Variants in NTF3 observed in about 807,000 individuals in gnomAD.
NTF3 encodes the protein neurotrophin-3.
NTF3 carries 8 observed loss-of-function variants against 26.3 expected under a neutral mutation model. That is an observed-to-expected ratio of 0.30 (90% CI 0.18 to 0.55). NTF3 has a LOEUF of 0.55. NTF3 is among the 20% of genes least tolerant of loss of function. The pLI is 0.93. For synonymous variants in NTF3, 154 were observed against 145.5 expected, an observed-to-expected ratio of 1.06 and a Z score of -0.42; for missense variants, 276 against 352.9, an observed-to-expected ratio of 0.78 and a Z score of 1.75.
intron 1 of NTF3, among the ~76,000 whole-genome samples, chr12:5,475,985 A>G (rs6489625): frequency 0.75 from 114,329 of 151,868 alleles, 43,419 homozygotes; most frequent in African/African-American, 0.79. Flanking sequence ...GAGAAAATAC[A>G]CCTGGGATGG....
At chr12:5,447,439 G>A (rs1254444255) in intron 1 of NTF3, among the ~76,000 whole-genome samples, 2 of 152,144 alleles carry the variant, frequency 1.3e-5, no homozygotes, top group Non-Finnish European at 2.9e-5. Flanking sequence ...TGTTCTTCAG[G>A]CTATTTCTGC....
chr12:5,466,956 G>A (rs185769461), intron 1 of NTF3, among the ~76,000 whole-genome samples: 86 of 152,186 alleles, frequency 5.7e-4, no homozygotes, highest in Middle Eastern at 6.8e-3. Context: ...TGCTTGGCCG[G>A]GTGCAGTGGC....
intron 1 of NTF3, among the ~76,000 whole-genome samples, chr12:5,451,759 T>A (rs1420677058): frequency 6.6e-6 from 1 of 152,230 alleles, no homozygotes; most frequent in Non-Finnish European, 1.5e-5. Flanking sequence ...GGCGTGGCAC[T>A]CATGGTTCAC....
At position 5,494,163 on chromosome 12, in the gene NTF3, C is replaced by A. The variant is rs1395845998; in HGVS notation, c.19-31C>A. ...AATAACACAGACTCAGCTGCCAGAG[C>A]CTGCTCTTAACACCTGTGTTTCCTT... On this transcript the variant is annotated intron_variant, in intron 1 of 1. Transcript: ENST00000423158. This position sits in a 1 kb window ranked among gnomAD's most constrained non-coding sequence, Gnocchi z 8.3. 6 of 1,597,194 alleles carry A rather than the reference C, an allele frequency of 3.8e-6. No homozygotes were observed. The highest frequency in any genetic ancestry group is 8.5e-7 in the Non-Finnish European group (1 of 1,172,738).
At chr12:5,451,040 C>T (rs1324639240) in intron 1 of NTF3, among the ~76,000 whole-genome samples, 2 of 152,204 alleles carry the variant, frequency 1.3e-5, no homozygotes, top group African/African-American at 4.8e-5. Flanking sequence ...CACTATCCCA[C>T]ACTACCTTCT....
chr12:5,494,832 G>A lies in NTF3; in HGVS notation c.657G>A (p.Arg219=). ...CCAGGCCGGTCAAAAACGGTTGCAG[G>A]GGTATTGATGATAAACACTGGAACT... is the stretch of plus-strand genomic sequence containing the variant. The part of the protein sequence containing the change: ...KEARPVKNGC[R]GIDDKHWNSQ... The change falls in exon 2 of 2, where the codon AGG becomes AGA. Residue 219 remains arginine, a synonymous_variant. Coordinates refer to ENST00000423158, the MANE Select transcript of NTF3 (RefSeq NM_001102654.2). The surrounding 1 kb of genome is among the most constrained non-coding windows in gnomAD (Gnocchi z 8.3). 3 of 1,614,064 alleles carry A rather than the reference G, an allele frequency of 1.9e-6. No individual in the cohort carries two copies. Among genetic ancestry groups the A allele is most frequent in the Non-Finnish European group, 2.5e-6 (3 of 1,180,002 alleles).
At chr12:5,431,941 C>T (rs1940093363), upstream of NTF3, among the ~76,000 whole-genome samples, 1 of 148,368 alleles carries the variant, frequency 6.7e-6, no homozygotes, top group South Asian at 2.1e-4. Flanking sequence ...CCTTCCCCGC[C>T]ACGGGTCCCG....
intron 1 of NTF3, among the ~76,000 whole-genome samples, chr12:5,448,821 G>A (rs1940336556): frequency 6.6e-6 from 1 of 152,182 alleles, no homozygotes; most frequent in Admixed American, 6.5e-5. Flanking sequence ...AAGAAAAATA[G>A]GATGTTCAGC....
In NTF3 at chr12:5,494,156, G is replaced by A; in HGVS notation, c.19-38G>A. 6 of 1,589,440 alleles carry A rather than the reference G, an allele frequency of 3.8e-6. No homozygotes were observed. Among genetic ancestry groups the A allele is most frequent in the Non-Finnish European group, 5.1e-6 (6 of 1,168,266 alleles). ...GTGCCAGAATAACACAGACTCAGCT[G>A]CCAGAGCCTGCTCTTAACACCTGTG... is the stretch of plus-strand genomic sequence containing the variant. On this transcript the variant is annotated intron_variant, in intron 1 of 1. Transcript: ENST00000423158. The surrounding 1 kb of genome is among the most constrained non-coding windows in gnomAD (Gnocchi z 8.3).
chr12:5,437,667 C>T (rs1479298645), intron 1 of NTF3, among the ~76,000 whole-genome samples: 5 of 152,178 alleles, frequency 3.3e-5, no homozygotes, highest in African/African-American at 7.2e-5. Context: ...TACTCTTTAA[C>T]GAGGCAGGCA....
intron 1 of NTF3, among the ~76,000 whole-genome samples, chr12:5,482,873 T>C (rs1940824169): frequency 6.6e-6 from 1 of 151,680 alleles, no homozygotes; most frequent in South Asian, 2.1e-4. Flanking sequence ...TCCCTCTGTC[T>C]TTCTCTCTGT....
In NTF3 at chr12:5,432,214, T is replaced by C. The variant is rs1940100292; in HGVS notation, c.-111T>C. 4.9e-6 allele frequency: 6 copies of C among 1,236,862 alleles called. No individual in the cohort carries two copies. The highest frequency in any genetic ancestry group is 2.4e-5 in the South Asian group (2 of 83,080). 76.6% of individuals were successfully genotyped at this position (1,236,862 alleles called of 1,614,324 possible). ...CTCTCCTTTCTTTCTTCCTCTCCTT[T>C]TTCCCCTGCTGGGTAGTGGCTGCGG... is the stretch of plus-strand genomic sequence containing the variant. On this transcript the variant is annotated 5_prime_UTR_variant, in exon 1 of 2. Transcript: ENST00000423158.
At chr12:5,484,719 G>A (rs933922202) in intron 1 of NTF3, among the ~76,000 whole-genome samples, 1 of 152,130 alleles carries the variant, frequency 6.6e-6, no homozygotes, top group Non-Finnish European at 1.5e-5. Flanking sequence ...CTGGGGTCAC[G>A]ATGGATATTT....
intron 1 of NTF3, among the ~76,000 whole-genome samples, chr12:5,482,568 T>C (rs1160383723): frequency 6.6e-6 from 1 of 152,188 alleles, no homozygotes; most frequent in African/African-American, 2.4e-5. Context: ...CCTGCAGCAA[T>C]GCTGGCTTCA....
intron 1 of NTF3, among the ~76,000 whole-genome samples, chr12:5,468,799 C>G (rs560987401): frequency 2.2e-4 from 34 of 152,258 alleles, no homozygotes; most frequent in African/African-American, 7.7e-4. Flanking sequence ...ACACTCATCA[C>G]TCAGAGGGGA....
intron 1 of NTF3, among the ~76,000 whole-genome samples, chr12:5,463,979 A>T (rs971562111): frequency 6.6e-6 from 1 of 152,170 alleles, no homozygotes; most frequent in Non-Finnish European, 1.5e-5. Context: ...ATAAAGTGGT[A>T]TTTGTTTCCA....
At chr12:5,447,822 G>T (rs948662299) in intron 1 of NTF3, among the ~76,000 whole-genome samples, 2 of 152,210 alleles carry the variant, frequency 1.3e-5, no homozygotes. Flanking sequence ...TTGTCTCTGG[G>T]AACCTTGAGG....
chr12:5,453,767 G>T (rs1940403634), intron 1 of NTF3, among the ~76,000 whole-genome samples: 1 of 152,192 alleles, frequency 6.6e-6, no homozygotes, highest in African/African-American at 2.4e-5. Flanking sequence ...TGGCCCAGCA[G>T]ACCAGGAATG....
chr12:5,469,916 A>G (rs1401064686), intron 1 of NTF3, among the ~76,000 whole-genome samples: 1 of 151,242 alleles, frequency 6.6e-6, no homozygotes, highest in Non-Finnish European at 1.5e-5. Flanking sequence ...GTTTGTTTGT[A>G]TTTTGTTTTG....
Sources: gnomAD v4.1 joint callset for allele counts (sites outside exome capture counted in the v4.1 genomes callset) on GRCh38, gnomAD v4.1.1 for gene constraint, Gnocchi (gnomAD v3.1) non-coding constraint, MANE v1.5 for transcripts, NCBI Gene and HGNC (gene_info 2026-07-23, HGNC 2026-07-21) for gene names.